BCR: variants seen among roughly 807,000 people sequenced by gnomAD.
BCR encodes breakpoint cluster region protein.
Under a neutral mutation model 138.6 loss-of-function variants are expected in BCR, and 58 were observed. The observed-to-expected ratio is 0.42, with a 90% CI of 0.34 to 0.52. BCR has a LOEUF of 0.52. Among genes scored for constraint, BCR ranks in the 20% least tolerant of loss-of-function variants. The pLI, the probability that BCR is intolerant of heterozygous loss-of-function variation, is 0.06. For synonymous variants in BCR, 786 were observed against 730.1 expected (o/e 1.08, Z -1.23); for missense variants, 1,599 against 1,727.2 (o/e 0.93, Z 1.32).
intron 10 of BCR, among the ~76,000 whole-genome samples, chr22:23,286,067 G>T (rs1193203636): frequency 6.6e-6 from 1 of 152,208 alleles, no homozygotes; most frequent in Non-Finnish European, 1.5e-5. Context: ...TGAGTCACCA[G>T]AGAGAAAGTC....
chr22:23,314,651 C>T lies in BCR; in HGVS notation c.3663C>T (p.Leu1221=). 2 of 1,612,010 alleles carry T rather than the reference C, an allele frequency of 1.2e-6. No homozygotes were observed. Among genetic ancestry groups the T allele is most frequent in the South Asian group, 2.2e-5 (2 of 90,976 alleles). The change falls in exon 22 of 23, where the codon CTC becomes CTT. Residue 1221 remains leucine (L), a synonymous_variant. Coordinates refer to ENST00000305877, the MANE Select transcript of BCR (RefSeq NM_004327.4). ...LLRPSEKESK[L]PANPSQPITM... ...GGCCCTCCGAGAAGGAGAGCAAGCT[C>T]CCTGCCAACCCCAGCCAGCCTATCA...
chr22:23,311,779 T>C lies in BCR; in HGVS notation c.3265T>C (p.Tyr1089His). The part of the protein sequence containing the change: ...ERRGMEEVGI[Y>H]RVSGVATDIQ... ...CCGAGGCATGGAGGAGGTGGGCATC[T>C]ACCGCGTGTCCGGTGTGGCCACGGA... The change falls in exon 19 of 23, where the codon TAC becomes CAC. Residue 1089 changes from tyrosine to histidine, a missense_variant. Tyr to His is a moderately conservative substitution (Grantham distance 83). Around this residue, in one of 4 missense-constraint regions of BCR, gnomAD observed 26 missense variants for 103.5 expected, o/e 0.25. Transcript: ENST00000305877. 1 of 1,611,788 alleles carries C rather than the reference T, an allele frequency of 6.2e-7. No individual in the cohort carries two copies. Among genetic ancestry groups the C allele is most frequent in the South Asian group, 1.1e-5 (1 of 90,994 alleles).
intron 19 of BCR, 197 bp from the exon 20 acceptor site, chr22:23,312,690 G>A: frequency 1.7e-6 from 1 of 583,742 alleles, no homozygotes; most frequent in Non-Finnish European, 3.1e-6. Context: ...GAATGGGAAT[G>A]CCCACGCACC....
At chr22:23,269,341 T>C (rs2093168692) in intron 5 of BCR, among the ~76,000 whole-genome samples, 1 of 152,254 alleles carries the variant, frequency 6.6e-6, no homozygotes, top group Non-Finnish European at 1.5e-5. Context: ...GCTGTAGCTT[T>C]GCCTTCTGAC....
At chr22:23,196,103 A>T (rs1234985516) in intron 1 of BCR, among the ~76,000 whole-genome samples, 1 of 152,204 alleles carries the variant, frequency 6.6e-6, no homozygotes, top group African/African-American at 2.4e-5. Flanking sequence ...AAATACACAT[A>T]CTCTAAAATG....
In BCR at chr22:23,301,566, T is replaced by C. The variant is rs532376010; in HGVS notation, c.3012+6411T>C. Among the ~76,000 whole-genome samples, 55 of 152,326 alleles carry C rather than the reference T, an allele frequency of 3.6e-4. 1 individual carries two copies. In the South Asian group the frequency reaches 0.011, roughly 30 times the overall value. On this transcript the variant is annotated intron_variant, in intron 16 of 22. Transcript: ENST00000305877. ...AAAAATCCCTCCCTGAAGATACAGA[T>C]TCAATGTCCCCTGCTCTGTGAAGGC...
chr22:23,216,764 A>C (rs141161971), intron 1 of BCR, among the ~76,000 whole-genome samples: 1 of 152,220 alleles, frequency 6.6e-6, no homozygotes, highest in Admixed American at 6.5e-5. Context: ...CGTTGTAGCT[A>C]AGGACTTGGT....
chr22:23,263,456 G>C, intron 4 of BCR: 8 of 1,440,374 alleles, frequency 5.6e-6, no homozygotes, highest in South Asian at 4.6e-5. Flanking sequence ...AGGGGATTCT[G>C]CTGAAGTGGA....
chr22:23,215,384 G>A (rs1055458063), intron 1 of BCR, among the ~76,000 whole-genome samples: 1 of 152,180 alleles, frequency 6.6e-6, no homozygotes, highest in Non-Finnish European at 1.5e-5. Context: ...TAATGGGAGA[G>A]GGGAGAACCT....
At chr22:23,268,946 C>T (rs1362855147) in intron 5 of BCR, among the ~76,000 whole-genome samples, 2 of 152,086 alleles carry the variant, frequency 1.3e-5, no homozygotes, top group Non-Finnish European at 2.9e-5. Flanking sequence ...CATTGAGGGG[C>T]TAGCGCCGTG....
Position 23,181,263 on chromosome 22 carries a change from CGCCGACGGA to C in BCR, c.310_318del (p.Gly104_Asp106del). 1 of 1,255,150 alleles carries C rather than the reference CGCCGACGGA, an allele frequency of 8.0e-7. No homozygotes were observed. Among genetic ancestry groups the C allele is most frequent in the Non-Finnish European group, 1.0e-6 (1 of 993,520 alleles). The allele number at this position is 1,255,150 out of a possible 1,614,324, so 77.8% of individuals were successfully genotyped here. ...CCGCGTCGCGCCCGCAGCCAGCGCC[CGCCGACGGA>C]GCCGACCCGCCGCCCGCCGAGGAGC... On this transcript the variant is annotated inframe_deletion, in exon 1 of 23. Coordinates refer to ENST00000305877, the MANE Select transcript of BCR (RefSeq NM_004327.4).
At chr22:23,195,752 G>T (rs892120705) in intron 1 of BCR, among the ~76,000 whole-genome samples, 1 of 151,268 alleles carries the variant, frequency 6.6e-6, no homozygotes, top group Admixed American at 6.6e-5. Flanking sequence ...ATTGGGCATT[G>T]TGGCAGGCGC....
chr22:23,184,291 G>A (rs2072310421), intron 1 of BCR, among the ~76,000 whole-genome samples: 1 of 151,562 alleles, frequency 6.6e-6, no homozygotes, highest in Non-Finnish European at 1.5e-5. Flanking sequence ...GGGTCTTGCT[G>A]TGTTGCCCAG....
At chr22:23,234,026 T>G (rs1348550505) in intron 1 of BCR, among the ~76,000 whole-genome samples, 2 of 151,856 alleles carry the variant, frequency 1.3e-5, no homozygotes, top group African/African-American at 4.8e-5. Flanking sequence ...CCTGCAGATG[T>G]GATGAGCCCC....
Position 23,301,766 on chromosome 22 carries a change from C to T in BCR, c.3012+6611C>T, listed in dbSNP as rs145164483. 5.2e-4 allele frequency among the ~76,000 whole-genome samples: 79 copies of T among 152,322 alleles called. No individual in the cohort carries two copies. The East Asian group carries it at 0.014, about 28-fold the overall frequency. ...GTCTTCTTGTTCTTGGGGACCCCCC[C>T]GCCAGGCATGGCACACAGGAAGCCT... On this transcript the variant is annotated intron_variant, in intron 16 of 22. Coordinates refer to ENST00000305877, the MANE Select transcript of BCR (RefSeq NM_004327.4).
At chr22:23,243,266 C>T (rs958368163) in intron 1 of BCR, among the ~76,000 whole-genome samples, 2 of 151,922 alleles carry the variant, frequency 1.3e-5, no homozygotes, top group African/African-American at 4.8e-5. Context: ...GAACCAGCCA[C>T]GTGATTAGAG....
chr22:23,271,452 A>C, intron 5 of BCR, 80 bp from the exon 6 acceptor site: 1 of 1,444,872 alleles, frequency 6.9e-7, no homozygotes, highest in South Asian at 1.2e-5. Flanking sequence ...GAAAGCTGAA[A>C]TTGTTGCCAA....
chr22:23,287,027 C>G (rs2073722092), intron 10 of BCR, 132 bp from the exon 11 acceptor site: 2 of 1,473,508 alleles, frequency 1.4e-6, no homozygotes, highest in Admixed American at 2.1e-5. Flanking sequence ...GGGCCCTGGT[C>G]TGTGCTGAGT....
chr22:23,243,206 G>A (rs995757876), intron 1 of BCR, among the ~76,000 whole-genome samples: 3 of 152,104 alleles, frequency 2.0e-5, no homozygotes, highest in Non-Finnish European at 2.9e-5. Flanking sequence ...CTAATGAGGT[G>A]ATGCTTGAGG....
Sources: gnomAD v4.1 joint callset for allele counts (sites outside exome capture counted in the v4.1 genomes callset) on GRCh38, gnomAD v4.1.1 for gene constraint, gnomAD v4.1.1 regional missense constraint, MANE v1.5 for transcripts, NCBI Gene and HGNC (gene_info 2026-07-23, HGNC 2026-07-21) for gene names.